PCDHGA7: variants seen among roughly 807,000 people sequenced by gnomAD.
PCDHGA7 encodes protocadherin gamma-A7.
In PCDHGA7, 44 loss-of-function variants were observed where a neutral mutation model predicts 58.3. The observed-to-expected ratio is 0.75, with a 90% CI of 0.59 to 0.97. The LOEUF (loss-of-function observed/expected upper bound fraction) is 0.97. Among genes scored for constraint, PCDHGA7 ranks in the 50% least tolerant of loss-of-function variants. The pLI, the probability that PCDHGA7 is intolerant of heterozygous loss-of-function variation, is 0.00. For synonymous variants in PCDHGA7, 516 were observed against 504.2 expected (o/e 1.02, Z -0.31); for missense variants, 1,266 against 1,188.7 (o/e 1.06, Z -0.96).
chr5:141,404,798 C>T (rs1422774939), intron 1 of PCDHGA7: 2 of 1,613,842 alleles, frequency 1.2e-6, no homozygotes, highest in Admixed American at 1.7e-5. Context: ...TGAGCCAGGG[C>T]TCTTCTCGGT....
At chr5:141,414,932 C>T (rs770025434) in intron 1 of PCDHGA7, 3 of 1,614,162 alleles carry the variant, frequency 1.9e-6, no homozygotes, top group Middle Eastern at 1.7e-4. Context: ...CCCCGCTCCG[C>T]AGAGCCCGGC....
In PCDHGA7 at chr5:141,476,132, T is replaced by C. The variant is rs751708569; in HGVS notation, c.2425-18675T>C. 2 of 1,607,820 alleles carry C rather than the reference T, an allele frequency of 1.2e-6. No homozygotes were observed. The highest frequency in any genetic ancestry group is 1.1e-5 in the South Asian group (1 of 90,582). On this transcript the variant is annotated intron_variant, in intron 1 of 3. Coordinates refer to ENST00000518325, the MANE Select transcript of PCDHGA7 (RefSeq NM_018920.4). The surrounding 1 kb of genome is among the most constrained non-coding windows in gnomAD (Gnocchi z 7.6). ...TTTGAGTGAGATGGTCCCAGAGGCC[T>C]GGAGGAGCGGACTGGTAAGCACCGG...
intron 1 of PCDHGA7, among the ~76,000 whole-genome samples, chr5:141,488,738 A>G (rs1462948813): frequency 1.3e-5 from 2 of 152,222 alleles, no homozygotes; most frequent in Non-Finnish European, 2.9e-5. Context: ...TTCTGAAGTC[A>G]TGCAGGAAGT....
intron 1 of PCDHGA7, among the ~76,000 whole-genome samples, chr5:141,397,685 G>A (rs1471845356): frequency 6.6e-6 from 1 of 152,218 alleles, no homozygotes; most frequent in Non-Finnish European, 1.5e-5. Flanking sequence ...ATGCAGGTTT[G>A]TATAAAAACC....
rs115262984 is a variant in PCDHGA7 at position 141,463,089 on chromosome 5, C to T, written c.2425-31718C>T. ...AATGAAATTCAAACATTTTCCAGCC[C>T]TATGTGACCATCAAGAATTCAGCTA... On this transcript the variant is annotated intron_variant, in intron 1 of 3. Coordinates refer to ENST00000518325, the MANE Select transcript of PCDHGA7 (RefSeq NM_018920.4). Among the ~76,000 whole-genome samples the T allele has an allele frequency of 2.5e-3, 374 of 152,264 alleles. 2 individuals are homozygous for T. Among genetic ancestry groups the T allele is most frequent in the African/African-American group, 8.7e-3 (360 of 41,552 alleles).
chr5:141,465,312 A>G (rs2099100692), intron 1 of PCDHGA7, among the ~76,000 whole-genome samples: 1 of 152,314 alleles, frequency 6.6e-6, no homozygotes, highest in South Asian at 2.1e-4. Flanking sequence ...GAATTTAGCC[A>G]TGTCAATGCA....
At position 141,491,458 on chromosome 5, in the gene PCDHGA7, G is replaced by T. The variant is rs867069360; in HGVS notation, c.2425-3349G>T. 1.9e-6 allele frequency: 3 copies of T among 1,613,974 alleles called. No homozygotes were observed. The highest frequency in any genetic ancestry group is 1.6e-4 in the Middle Eastern group (1 of 6,084). On this transcript the variant is annotated intron_variant, in intron 1 of 3. Coordinates refer to ENST00000518325, the MANE Select transcript of PCDHGA7 (RefSeq NM_018920.4). This position sits in a 1 kb window ranked among gnomAD's most constrained non-coding sequence, Gnocchi z 6.9. ...CAGGCGCCAGGACTCACCCTCCCCGGACTTCTATAAGCAGTCCAGCCCCAA... is the reference window on the plus strand; with the variant it reads ...CAGGCGCCAGGACTCACCCTCCCCGTACTTCTATAAGCAGTCCAGCCCCAA...
chr5:141,394,863 C>T (rs758408774), intron 1 of PCDHGA7: 37 of 1,613,708 alleles, frequency 2.3e-5, no homozygotes, highest in Non-Finnish European at 2.9e-5. Context: ...TTCGGTCGAC[C>T]CGAACGATTC....
In PCDHGA7 at chr5:141,485,580, A is replaced by C. The variant is rs761157560; in HGVS notation, c.2425-9227A>C. The C allele has an allele frequency of 6.2e-7, 1 of 1,612,610 alleles. No homozygotes were observed. The highest frequency in any genetic ancestry group is 2.2e-5 in the East Asian group (1 of 44,850). ...GATCACGCCCCCCGTTTTCCGCGGCAGCAGCTGGACTTGGAAATTGGGGAG... is the reference window on the plus strand; with the variant it reads ...GATCACGCCCCCCGTTTTCCGCGGCCGCAGCTGGACTTGGAAATTGGGGAG... On this transcript the variant is annotated intron_variant, in intron 1 of 3. Transcript: ENST00000518325. The surrounding 1 kb of genome is among the most constrained non-coding windows in gnomAD (Gnocchi z 5.7).
At chr5:141,480,198 G>A (rs1280951298) in intron 1 of PCDHGA7, among the ~76,000 whole-genome samples, 2 of 150,780 alleles carry the variant, frequency 1.3e-5, no homozygotes, top group African/African-American at 4.9e-5. Flanking sequence ...GAGGCCAGCA[G>A]TTCAAGACCA....
chr5:141,405,648 G>A (rs936380418), intron 1 of PCDHGA7: 3 of 523,734 alleles, frequency 5.7e-6, no homozygotes, highest in East Asian at 3.2e-5. Flanking sequence ...CTAATTTTTT[G>A]TGTGTTTTTA....
intron 1 of PCDHGA7, chr5:141,428,311 G>A: frequency 3.0e-6 from 2 of 671,726 alleles, no homozygotes; most frequent in Non-Finnish European, 5.3e-6. Context: ...CCTGGTCGTG[G>A]CCTTGGCCTT....
At chr5:141,408,619 T>C in intron 1 of PCDHGA7, 1 of 1,613,974 alleles carries the variant, frequency 6.2e-7, no homozygotes, top group South Asian at 1.1e-5. Context: ...AGGAAATACA[T>C]TTAGAAATTT....
In PCDHGA7 at chr5:141,511,548, A is replaced by C; in HGVS notation, c.*375A>C. 3.3e-6 allele frequency: 1 copy of C among 306,952 alleles called. No homozygotes were observed. The highest frequency in any genetic ancestry group is 6.3e-6 in the Non-Finnish European group (1 of 158,248). 19.0% of individuals were successfully genotyped at this position (306,952 alleles called of 1,614,324 possible). ...CCTCCCTCCTCCCCACCCCACTCCA[A>C]CAGTTCCTCTTTCCCGAGTAAGGTG... is the stretch of plus-strand genomic sequence containing the variant. On this transcript the variant is annotated 3_prime_UTR_variant, in exon 4 of 4. Transcript: ENST00000518325.
chr5:141,491,564 G>A lies in PCDHGA7; in HGVS notation c.2425-3243G>A, dbSNP rs2099721154. On this transcript the variant is annotated intron_variant, in intron 1 of 3. Coordinates refer to ENST00000518325, the MANE Select transcript of PCDHGA7 (RefSeq NM_018920.4). The surrounding 1 kb of genome is among the most constrained non-coding windows in gnomAD (Gnocchi z 6.9). Reference sequence around the variant, plus strand: ...ACAGACTCGCAGAGCCACTGCTACAGGACGTGCTTTTCACCGGCCTCGGAC... The same window carrying A: ...ACAGACTCGCAGAGCCACTGCTACAAGACGTGCTTTTCACCGGCCTCGGAC... The A allele has an allele frequency of 3.1e-6, 5 of 1,613,878 alleles. No individual in the cohort carries two copies. Among genetic ancestry groups the A allele is most frequent in the Non-Finnish European group, 8.5e-7 (1 of 1,180,042 alleles).
intron 1 of PCDHGA7, chr5:141,409,830 G>C: frequency 6.2e-7 from 1 of 1,611,250 alleles, no homozygotes; most frequent in Non-Finnish European, 8.5e-7. Context: ...CCCACGCTCA[G>C]CGCCAACGTG....
Position 141,384,713 on chromosome 5 carries a change from C to CA in PCDHGA7, c.1815dup (p.Tyr606IlefsTer5). 6.2e-7 allele frequency: 1 copy of CA among 1,614,104 alleles called. No homozygotes were observed. Among genetic ancestry groups the CA allele is most frequent in the Non-Finnish European group, 8.5e-7 (1 of 1,180,034 alleles). On this transcript the variant is annotated frameshift_variant, in exon 1 of 4. Coordinates refer to ENST00000518325, the MANE Select transcript of PCDHGA7 (RefSeq NM_018920.4). LOFTEE classifies it high-confidence loss of function. ...GATTCAGGCCAGAACGCCTGGCTGT[C>CA]ATACCTCCTGCTTAAGGCCAGCGAG...
intron 1 of PCDHGA7, chr5:141,409,041 A>T: frequency 6.2e-7 from 1 of 1,613,982 alleles, no homozygotes; most frequent in Non-Finnish European, 8.5e-7. Flanking sequence ...ATAAACTACT[A>T]CTTCCGAAGC....
intron 1 of PCDHGA7, among the ~76,000 whole-genome samples, chr5:141,464,444 T>C (rs2099084887): frequency 6.6e-6 from 1 of 151,634 alleles, no homozygotes; most frequent in East Asian, 1.9e-4. Context: ...TGTTTGTTGT[T>C]GTTGTTGTTA....
Sources: allele counts gnomAD v4.1 joint callset (sites outside exome capture counted in the v4.1 genomes callset), GRCh38; gene constraint gnomAD v4.1.1; non-coding constraint Gnocchi (gnomAD v3.1); transcripts MANE v1.5; gene names NCBI Gene and HGNC (gene_info 2026-07-23, HGNC 2026-07-21).